The following KCNN2 variants were observed in gnomAD, a reference collection of about 807,000 sequenced individuals.
KCNN2 encodes small conductance calcium-activated potassium channel protein 2.
In KCNN2, 24 loss-of-function variants were observed where a neutral mutation model predicts 55.5. That is an observed-to-expected ratio of 0.43 (90% CI 0.31 to 0.61). The LOEUF (loss-of-function observed/expected upper bound fraction) is 0.61. Ranked by LOEUF, KCNN2 falls within the 20% of genes least tolerant of loss-of-function variation. The probability of loss-of-function intolerance (pLI) is 0.08; values close to 1 mark genes in which losing one functional copy is unlikely to be tolerated. For synonymous variants in KCNN2, 431 were observed against 336.1 expected (o/e 1.28, Z -3.09); for missense variants, 754 against 853.6 (o/e 0.88, Z 1.45).
intron 2 of KCNN2, among the ~76,000 whole-genome samples, chr5:114,264,886 A>G (rs2150005706): frequency 6.6e-6 from 1 of 152,344 alleles, no homozygotes. Context: ...AAAAGGTTCA[A>G]GTGCCCTCAG....
chr5:114,476,246 A>T (rs530927453), intron 5 of KCNN2, among the ~76,000 whole-genome samples: 1 of 141,532 alleles, frequency 7.1e-6, no homozygotes, highest in African/African-American at 2.6e-5. Flanking sequence ...TCCAACAATG[A>T]TAGACTGGAT....
At chr5:114,098,355 C>G (rs539190259) in intron 1 of KCNN2, among the ~76,000 whole-genome samples, 1 of 152,016 alleles carries the variant, frequency 6.6e-6, no homozygotes, top group South Asian at 2.1e-4. Context: ...ACTGCTGGGC[C>G]ACAGACTGGT....
chr5:114,406,727 TCATGTTGGGGA>T (rs1758947623), intron 3 of KCNN2, among the ~76,000 whole-genome samples: 1 of 152,206 alleles, frequency 6.6e-6, no homozygotes, highest in African/African-American at 2.4e-5. Flanking sequence ...TGCATCTCTA[TCATGTTGGGGA>T]CTTTCTTTGC....
chr5:114,143,047 A>G (rs1176177945), intron 1 of KCNN2, among the ~76,000 whole-genome samples: 1 of 152,004 alleles, frequency 6.6e-6, no homozygotes, highest in African/African-American at 2.4e-5. Context: ...AAACGCACAC[A>G]AGATAGTGAA....
chr5:114,296,226 C>T (rs1354298508), intron 2 of KCNN2, among the ~76,000 whole-genome samples: 1 of 152,064 alleles, frequency 6.6e-6, no homozygotes, highest in South Asian at 2.1e-4. Flanking sequence ...AATGAGTAAC[C>T]TCTTATAGCC....
intron 1 of KCNN2, among the ~76,000 whole-genome samples, chr5:114,106,678 T>G (rs1409016828): frequency 1.3e-5 from 2 of 150,210 alleles, no homozygotes; most frequent in South Asian, 4.2e-4. Flanking sequence ...GGATGTCTTT[T>G]TGTGTGTGTG....
chr5:114,472,774 T>C (rs1761810917), intron 4 of KCNN2, among the ~76,000 whole-genome samples: 1 of 152,228 alleles, frequency 6.6e-6, no homozygotes, highest in Non-Finnish European at 1.5e-5. Flanking sequence ...TTAAAAAGTC[T>C]CCAAAAATTC....
intron 2 of KCNN2, among the ~76,000 whole-genome samples, chr5:114,273,126 G>A (rs1288183457): frequency 6.6e-6 from 1 of 152,124 alleles, no homozygotes; most frequent in Non-Finnish European, 1.5e-5. Flanking sequence ...AACACATGGT[G>A]TTTGGTTTTC....
intron 2 of KCNN2, among the ~76,000 whole-genome samples, chr5:114,234,214 C>A (rs1023363288): frequency 2.4e-4 from 37 of 152,142 alleles, no homozygotes; most frequent in African/African-American, 8.9e-4. Flanking sequence ...TATCATTTAT[C>A]TTCTGAATCT....
chr5:114,253,132 CTTT>C (rs35260445), intron 2 of KCNN2, among the ~76,000 whole-genome samples: 11 of 140,456 alleles, frequency 7.8e-5, no homozygotes, highest in South Asian at 2.2e-4. Context: ...TTCTTGCTTT[CTTT>C]TTTTTTTTTT....
chr5:114,362,934 T>TGTC lies in KCNN2; in HGVS notation c.796_797insTCG (p.Ala265_Ala266insVal). ...GCGCGTCCTCCCCGTCTGCAGCCGC[T>TGTC]GCCGCCGCCGCCGCTGTTTCGTCCT... On this transcript the variant is annotated inframe_insertion, in exon 1 of 8. Coordinates refer to ENST00000673685, the MANE Select transcript of KCNN2 (RefSeq NM_021614.4). The TGTC allele has an allele frequency of 5.1e-6, 8 of 1,560,874 alleles. No individual in the cohort carries two copies. Among genetic ancestry groups the TGTC allele is most frequent in the Non-Finnish European group, 6.9e-6 (8 of 1,161,082 alleles).
intron 1 of KCNN2, among the ~76,000 whole-genome samples, chr5:114,213,038 G>C (rs1297680004): frequency 6.6e-6 from 1 of 151,968 alleles, no homozygotes; most frequent in Non-Finnish European, 1.5e-5. Context: ...GAAAGAAAAG[G>C]AGGGAGAAGA....
chr5:114,143,900 G>A (rs1369764191), intron 1 of KCNN2, among the ~76,000 whole-genome samples: 1 of 152,144 alleles, frequency 6.6e-6, no homozygotes, highest in Non-Finnish European at 1.5e-5. Flanking sequence ...TTGGACTGAA[G>A]AATATTTTTT....
chr5:114,350,753 GTCAA>G (rs1757191873), intron 2 of KCNN2, among the ~76,000 whole-genome samples: 1 of 151,730 alleles, frequency 6.6e-6, no homozygotes. Context: ...CTTATTAAAG[GTCAA>G]TCAGTCATAA....
intron 4 of KCNN2, among the ~76,000 whole-genome samples, chr5:114,472,726 A>G (rs1761807711): frequency 6.6e-6 from 1 of 152,168 alleles, no homozygotes; most frequent in South Asian, 2.1e-4. Context: ...ATTTGTTCCT[A>G]TTATAATTAT....
chr5:114,214,784 TC>T (rs1258327016), intron 1 of KCNN2, among the ~76,000 whole-genome samples: 1 of 152,112 alleles, frequency 6.6e-6, no homozygotes, highest in Non-Finnish European at 1.5e-5. Context: ...CTTTCAGTCA[TC>T]CAAGACCTAA....
intron 2 of KCNN2, among the ~76,000 whole-genome samples, chr5:114,242,766 A>G (rs1488511198): frequency 1.3e-5 from 2 of 152,218 alleles, no homozygotes; most frequent in East Asian, 3.8e-4. Context: ...CCTTAGGGAG[A>G]ATGCAATATA....
intron 1 of KCNN2, among the ~76,000 whole-genome samples, chr5:114,215,661 C>T (rs1408825884): frequency 6.6e-6 from 1 of 152,136 alleles, no homozygotes; most frequent in Non-Finnish European, 1.5e-5. Context: ...CTGTGTGTTT[C>T]TGCATTGATT....
intron 2 of KCNN2, among the ~76,000 whole-genome samples, chr5:114,353,114 T>C (rs1316974385): frequency 6.6e-6 from 1 of 151,892 alleles, no homozygotes; most frequent in Admixed American, 6.6e-5. Flanking sequence ...CCTGATGGAC[T>C]GGCATTTTGT....
Sources: allele counts gnomAD v4.1 joint callset (sites outside exome capture counted in the v4.1 genomes callset), GRCh38; gene constraint gnomAD v4.1.1; transcripts MANE v1.5; gene names NCBI Gene and HGNC (gene_info 2026-07-23, HGNC 2026-07-21).